The following CSPP1 variants were observed in gnomAD, a reference collection of about 807,000 sequenced individuals.
CSPP1 encodes the protein centrosome and spindle pole associated protein 1, also known as centrosome and spindle pole-associated protein 1.
Under a neutral mutation model 164.4 loss-of-function variants are expected in CSPP1, and 126 were observed. The observed-to-expected ratio is 0.77, with a 90% CI of 0.66 to 0.89. The LOEUF (loss-of-function observed/expected upper bound fraction) is 0.89. Among genes scored for constraint, CSPP1 ranks in the 40% least tolerant of loss-of-function variants. The pLI, the probability that CSPP1 is intolerant of heterozygous loss-of-function variation, is 0.00. For missense variants in CSPP1, 1,395 were observed against 1,449.8 expected, an observed-to-expected ratio of 0.96 and a Z score of 0.61; for synonymous variants, 472 against 476.7, an observed-to-expected ratio of 0.99 and a Z score of 0.13.
intron 28 of CSPP1, among the ~76,000 whole-genome samples, chr8:67,185,240 T>G (rs1834256394): frequency 6.6e-6 from 1 of 152,182 alleles, no homozygotes; most frequent in South Asian, 2.1e-4. Context: ...CTTTCCCACC[T>G]AAGTGCATGC....
intron 10 of CSPP1, 52 bp downstream of exon 10, chr8:67,112,117 G>T: frequency 1.6e-6 from 2 of 1,250,862 alleles, no homozygotes; most frequent in Non-Finnish European, 2.3e-6. Context: ...AAGTGCATTT[G>T]TGTAAAATGA....
At chr8:67,074,872 C>A in intron 2 of CSPP1, 1 of 218,356 alleles carries the variant, frequency 4.6e-6, no homozygotes, top group South Asian at 5.0e-5. Context: ...CCTCCGCCTC[C>A]CAGGCTCAAG....
chr8:67,104,266 T>C (rs1323050790), intron 8 of CSPP1, among the ~76,000 whole-genome samples: 1 of 152,020 alleles, frequency 6.6e-6, no homozygotes, highest in Non-Finnish European at 1.5e-5. Context: ...AAAGGTTTTT[T>C]TTTTTTTTTC....
At chr8:67,129,486 G>A (rs1473498571) in intron 15 of CSPP1, among the ~76,000 whole-genome samples, 2 of 152,090 alleles carry the variant, frequency 1.3e-5, no homozygotes, top group African/African-American at 2.4e-5. Flanking sequence ...AAAAGAATAT[G>A]ATACTGCAAT....
intron 14 of CSPP1, 23 bp downstream of exon 14, chr8:67,118,392 A>T: frequency 6.2e-7 from 1 of 1,612,056 alleles, no homozygotes; most frequent in Non-Finnish European, 8.5e-7. Flanking sequence ...TAGGGTAAGC[A>T]TTTTCTCCCC....
intron 4 of CSPP1, 103 bp from the exon 5 acceptor site, chr8:67,091,700 T>C (rs768896593): frequency 5.5e-5 from 19 of 346,204 alleles, no homozygotes; most frequent in Non-Finnish European, 7.6e-5. Context: ...TTGCTCTGCA[T>C]AATATAATAC....
chr8:67,079,125 T>TTC (rs1451390310), intron 3 of CSPP1, among the ~76,000 whole-genome samples: 1 of 152,208 alleles, frequency 6.6e-6, no homozygotes, highest in Non-Finnish European at 1.5e-5. Context: ...CTAGGCTGAC[T>TTC]TCTCATCTTA....
In CSPP1 at chr8:67,181,361, T is replaced by A. The variant is rs956376839; in HGVS notation, c.3220+1435T>A. Among the ~76,000 whole-genome samples, 23 of 141,318 alleles carry A rather than the reference T, an allele frequency of 1.6e-4. No individual in the cohort carries two copies. The South Asian group carries it at 4.2e-3, about 26-fold the overall frequency. The allele number at this position is 141,318 out of a possible 152,430, so 92.7% of individuals were successfully genotyped here. ...CCATTTTTTTTTTTTTTTTTTTTTT[T>A]AATGAATTTTTCCTTTCCAAGGAAG... On this transcript the variant is annotated intron_variant, in intron 28 of 30. Transcript: ENST00000678616.
chr8:67,147,800 C>A (rs1300119554), intron 17 of CSPP1, among the ~76,000 whole-genome samples: 1 of 152,080 alleles, frequency 6.6e-6, no homozygotes, highest in East Asian at 1.9e-4. Flanking sequence ...TGTCATCTGA[C>A]CTTGTGTGTT....
chr8:67,118,150 G>A, intron 13 of CSPP1, 98 bp from the exon 14 acceptor site: 1 of 1,264,636 alleles, frequency 7.9e-7, no homozygotes, highest in Non-Finnish European at 1.1e-6. Context: ...AGTAGTGATA[G>A]GATTTTCAGT....
At chr8:67,076,085 C>CTT (rs893059518) in intron 2 of CSPP1, among the ~76,000 whole-genome samples, 3 of 144,768 alleles carry the variant, frequency 2.1e-5, no homozygotes, top group African/African-American at 7.5e-5. Context: ...CTTTAATCTG[C>CTT]TTTTTTTTTT....
chr8:67,138,405 A>C (rs1822798211), intron 17 of CSPP1, among the ~76,000 whole-genome samples: 1 of 152,238 alleles, frequency 6.6e-6, no homozygotes, highest in African/African-American at 2.4e-5. Flanking sequence ...AATAGTTGTA[A>C]TCTTGTATTA....
chr8:67,144,537 C>G (rs1031668644), intron 17 of CSPP1, among the ~76,000 whole-genome samples: 1 of 151,924 alleles, frequency 6.6e-6, no homozygotes, highest in African/African-American at 2.4e-5. Context: ...CCTCCTAGGC[C>G]GAAGCAATTC....
At chr8:67,106,807 A>G (rs921599267) in intron 9 of CSPP1, among the ~76,000 whole-genome samples, 3 of 152,160 alleles carry the variant, frequency 2.0e-5, no homozygotes, top group Non-Finnish European at 4.4e-5. Flanking sequence ...AGATTCATTC[A>G]ACGTAAAAAC....
chr8:67,185,114 AAAAC>A lies in CSPP1; in HGVS notation c.3220+5192_3220+5195del, dbSNP rs1183674096. ...AGCAAGACTCCGTCTCAAAAAAAAA[AAAAC>A]AAAAACAAACAAACAAACAAACAAA... is the stretch of plus-strand genomic sequence containing the variant. On this transcript the variant is annotated intron_variant, in intron 28 of 30. Transcript: ENST00000678616. Among the ~76,000 whole-genome samples the A allele has an allele frequency of 7.1e-4, 107 of 150,710 alleles. 3 individuals carry two copies. In the East Asian group the frequency reaches 0.017, roughly 25 times the overall value.
At chr8:67,081,471 A>AATACTAGTAAT (rs756893681) in intron 3 of CSPP1, among the ~76,000 whole-genome samples, 33 of 152,194 alleles carry the variant, frequency 2.2e-4, no homozygotes, top group Non-Finnish European at 4.7e-4. Context: ...AGTTTGTCAG[A>AATACTAGTAAT]ATACTAGTAA....
chr8:67,168,344 G>A (rs1241555540), intron 24 of CSPP1, among the ~76,000 whole-genome samples: 1 of 149,540 alleles, frequency 6.7e-6, no homozygotes. Flanking sequence ...GGGAGGGGGA[G>A]AGGGAGAGGG....
intron 1 of CSPP1, among the ~76,000 whole-genome samples, chr8:67,068,307 A>G (rs2129539672): frequency 6.6e-6 from 1 of 152,390 alleles, no homozygotes; most frequent in Admixed American, 6.5e-5. Flanking sequence ...TGTTGAGATC[A>G]ATAAGTGATA....
intron 17 of CSPP1, among the ~76,000 whole-genome samples, chr8:67,149,549 T>A (rs936086923): frequency 6.6e-6 from 1 of 152,188 alleles, no homozygotes; most frequent in Admixed American, 6.6e-5. Flanking sequence ...TGTTAAAGAT[T>A]TATGTGTCCT....
Sources: gnomAD v4.1 joint callset for allele counts (sites outside exome capture counted in the v4.1 genomes callset) on GRCh38, gnomAD v4.1.1 for gene constraint, MANE v1.5 for transcripts, NCBI Gene and HGNC (gene_info 2026-07-23, HGNC 2026-07-21) for gene names.